CALCOCO1: variants seen among roughly 807,000 people sequenced by gnomAD.
The protein encoded by CALCOCO1 is calcium-binding and coiled-coil domain-containing protein 1.
A neutral mutation model predicts 86.3 loss-of-function variants in CALCOCO1; 44 were observed. The ratio of observed to expected loss-of-function variants is 0.51; its 90% CI spans 0.40 to 0.66. The LOEUF (loss-of-function observed/expected upper bound fraction) is 0.66, where lower values mean the gene tolerates loss of function less well. Ranked by LOEUF, CALCOCO1 falls within the 30% of genes least tolerant of loss-of-function variation. The pLI is 0.00. For missense variants in CALCOCO1, 708 were observed against 851.1 expected, an observed-to-expected ratio of 0.83 and a Z score of 2.09; for synonymous variants, 297 against 327.6, an observed-to-expected ratio of 0.91 and a Z score of 1.01.
chr12:53,722,943 C>CAAAAAAAAAAAAAAAAAAAAGAAA, intron 4 of CALCOCO1: 1 of 188,528 alleles, frequency 5.3e-6, no homozygotes, highest in Non-Finnish European at 9.9e-6. Flanking sequence ...AAGGCTGTCT[C>CAAAAAAAAAAAAAAAAAAAAGAAA]AAAAAAAAAA....
intron 1 of CALCOCO1, 108 bp from the exon 2 acceptor site, chr12:53,725,374 G>A (rs1489992486): frequency 1.4e-6 from 1 of 691,238 alleles, no homozygotes; most frequent in African/African-American, 1.9e-5. Flanking sequence ...TGGAGATAAG[G>A]CATACCTGGT....
chr12:53,725,319 C>A, intron 1 of CALCOCO1, 53 bp from the exon 2 acceptor site: 1 of 1,256,606 alleles, frequency 8.0e-7, no homozygotes, highest in Non-Finnish European at 1.1e-6. Context: ...CCTCCTTCCC[C>A]CCACAGCTCC....
At position 53,713,777 on chromosome 12, in the gene CALCOCO1, G is replaced by C. The variant is rs1945646644; in HGVS notation, c.1715C>G (p.Pro572Arg). The change falls in exon 13 of 15, where the codon CCC (proline) becomes CGC (arginine). Residue 572 changes from proline (P) to arginine (R), a missense_variant. Pro to Arg is a moderately radical substitution (Grantham distance 103). Coordinates refer to ENST00000550804, the MANE Select transcript of CALCOCO1 (RefSeq NM_020898.3). ...AGCCGGCTGGCTGATGACAACAAGG[G>C]GAGAAGCCTCTCGAGGCCCAGCAGG... ...SSPAGPREAS[P>R]LVVISQPAPI... 1 of 1,606,806 alleles carries C rather than the reference G, an allele frequency of 6.2e-7. No individual in the cohort carries two copies.
intron 10 of CALCOCO1, 72 bp from the exon 11 acceptor site, chr12:53,714,765 A>T: frequency 1.8e-6 from 2 of 1,087,590 alleles, no homozygotes; most frequent in Non-Finnish European, 1.4e-6. Context: ...TGGGACCAGG[A>T]CCAACAATCT....
At position 53,713,152 on chromosome 12, in the gene CALCOCO1, C is replaced by T. The variant is rs759147141; in HGVS notation, c.1846G>A (p.Glu616Lys). 17 of 1,614,176 alleles carry T rather than the reference C, an allele frequency of 1.1e-5. No homozygotes were observed. Among genetic ancestry groups the T allele is most frequent in the Non-Finnish European group, 1.4e-5 (17 of 1,180,018 alleles). ...LMAAVQSGGE[E>K]ANLLLPELGS... The stretch of plus-strand genomic sequence containing the variant: ...AGTTCAGGAAGCAGTAAGTTGGCCT[C>T]CTCACCCCCACTCTGCACAGCTGCC... Residue 616 changes from glutamate to lysine, a missense_variant, in exon 14 of 15, where the codon GAG (glutamate) becomes AAG (lysine). Glu to Lys is a moderately conservative substitution (Grantham distance 56). Transcript: ENST00000550804.
intron 6 of CALCOCO1, among the ~76,000 whole-genome samples, chr12:53,721,199 C>T (rs1945857350): frequency 6.6e-6 from 1 of 152,256 alleles, no homozygotes; most frequent in Non-Finnish European, 1.5e-5. Context: ...TCTTCCAAAT[C>T]CTCCACTCCT....
At chr12:53,721,939 T>C in intron 5 of CALCOCO1, 86 bp downstream of exon 5, 1 of 1,485,814 alleles carries the variant, frequency 6.7e-7, no homozygotes, top group Non-Finnish European at 9.3e-7. Flanking sequence ...CCCACTAACA[T>C]CTCTCCTTCA....
chr12:53,718,417 A>G (rs1165937949), intron 7 of CALCOCO1, among the ~76,000 whole-genome samples: 1 of 152,216 alleles, frequency 6.6e-6, no homozygotes, highest in Non-Finnish European at 1.5e-5. Flanking sequence ...TTATAGTAAT[A>G]AAACATTGTT....
Position 53,715,841 on chromosome 12 carries a change from T to C in CALCOCO1, c.1212A>G (p.Glu404=). ...LAELGLHLKE[E]KCQWSKERAG... ...CCCGCTCCTTGCTCCATTGGCATTT[T>C]TCTTCCTTCAAGTGCAAACCGAGCT... Residue 404 remains glutamate (E), a synonymous_variant, in exon 9 of 15, where the codon GAA becomes GAG. Transcript: ENST00000550804. 6.2e-7 allele frequency: 1 copy of C among 1,614,124 alleles called. No individual in the cohort carries two copies. The highest frequency in any genetic ancestry group is 1.1e-5 in the South Asian group (1 of 91,086).
chr12:53,723,876 C>T (rs1000179222), intron 3 of CALCOCO1, 93 bp from the exon 4 acceptor site: 9 of 1,072,044 alleles, frequency 8.4e-6, no homozygotes, highest in Non-Finnish European at 9.4e-6. Context: ...TTCTTCTCTT[C>T]TCCACCTCCC....
chr12:53,717,903 T>C (rs1945768523), intron 7 of CALCOCO1, among the ~76,000 whole-genome samples: 1 of 152,122 alleles, frequency 6.6e-6, no homozygotes. Context: ...CGGGTGCCTG[T>C]AATCCCAGCT....
chr12:53,723,928 C>T, intron 3 of CALCOCO1, 145 bp from the exon 4 acceptor site: 1 of 684,822 alleles, frequency 1.5e-6, no homozygotes. Flanking sequence ...TGTCCCTCTC[C>T]TTCCTTTCTT....
In CALCOCO1 at chr12:53,711,014, T is replaced by C. The variant is rs1484804483; in HGVS notation, c.*930A>G. ...TCCCCTGCCATGAGGCAGGGATGCG[T>C]CCCCTCTTTCCCTCCTCCCTCCACC... On this transcript the variant is annotated 3_prime_UTR_variant, in exon 15 of 15. Coordinates refer to ENST00000550804, the MANE Select transcript of CALCOCO1 (RefSeq NM_020898.3). 5.5e-6 allele frequency: 2 copies of C among 363,344 alleles called. No individual in the cohort carries two copies. The highest frequency in any genetic ancestry group is 9.8e-6 in the Non-Finnish European group (2 of 204,212). The allele number at this position is 363,344 out of a possible 1,614,324, so 22.5% of individuals were successfully genotyped here. A position where few individuals can be genotyped will look rare whatever the true frequency, so the allele number is the denominator to read the frequency against.
intron 14 of CALCOCO1, 114 bp from the exon 15 acceptor site, chr12:53,712,235 A>G: frequency 1.2e-6 from 1 of 869,548 alleles, no homozygotes; most frequent in Non-Finnish European, 1.8e-6. Context: ...TCCTGTGCCT[A>G]ATGCAGCATC....
chr12:53,722,248 A>G, intron 4 of CALCOCO1, 65 bp from the exon 5 acceptor site: 1 of 1,581,844 alleles, frequency 6.3e-7, no homozygotes, highest in Non-Finnish European at 8.6e-7. Context: ...TCCCATCCTC[A>G]CCACTCTCCA....
chr12:53,713,663 C>T, intron 13 of CALCOCO1, 38 bp downstream of exon 13: 1 of 1,482,608 alleles, frequency 6.7e-7, no homozygotes, highest in African/African-American at 1.4e-5. Context: ...GGCCCTGCCC[C>T]TCCTTACTGC....
At chr12:53,724,333 C>A in intron 3 of CALCOCO1, 1 of 393,258 alleles carries the variant, frequency 2.5e-6, no homozygotes, top group Admixed American at 3.8e-5. Context: ...GAGATTTGAA[C>A]CCAGGTCTTT....
intron 1 of CALCOCO1, 131 bp from the exon 2 acceptor site, chr12:53,725,397 AG>A: frequency 1.7e-6 from 1 of 596,214 alleles, no homozygotes; most frequent in Non-Finnish European, 2.8e-6. Context: ...CTAGTCCCTG[AG>A]GGTTACGGGA....
Position 53,725,223 on chromosome 12 carries a change from C to A in CALCOCO1, c.20G>T (p.Ser7Ile). Residue 7 changes from serine to isoleucine, a missense_variant, in exon 2 of 15, where the codon AGC becomes ATC. Coordinates refer to ENST00000550804, the MANE Select transcript of CALCOCO1 (RefSeq NM_020898.3). Reference protein sequence around the residue: MEESPLSRAPSRGGVNF... With the variant: MEESPLIRAPSRGGVNF... ...GACTCCACCACGGGATGGTGCCCGG[C>A]TTAGTGGTGATTCTTCCATCCTGGC... The A allele has an allele frequency of 6.2e-7, 1 of 1,603,010 alleles. No homozygotes were observed.
Sources: gnomAD v4.1 joint callset for allele counts (sites outside exome capture counted in the v4.1 genomes callset) on GRCh38, gnomAD v4.1.1 for gene constraint, MANE v1.5 for transcripts, NCBI Gene and HGNC (gene_info 2026-07-23, HGNC 2026-07-21) for gene names.